The following AUTS2 variants were observed in gnomAD, a reference collection of about 807,000 sequenced individuals.
AUTS2 encodes the protein activator of transcription and developmental regulator AUTS2, also known as autism susceptibility gene 2 protein.
In AUTS2, 17 loss-of-function variants were observed where a neutral mutation model predicts 112.4. The observed-to-expected ratio is 0.15, with a 90% CI of 0.10 to 0.23. The LOEUF (loss-of-function observed/expected upper bound fraction) is 0.23. Among genes scored for constraint, AUTS2 ranks in the 10% least tolerant of loss-of-function variants. The pLI is 1.00. For missense variants in AUTS2, 1,510 were observed against 1,701.6 expected, an observed-to-expected ratio of 0.89 and a Z score of 1.98; for synonymous variants, 751 against 702.7, an observed-to-expected ratio of 1.07 and a Z score of -1.09.
At chr7:70,132,398 T>C (rs958225960) in intron 3 of AUTS2, among the ~76,000 whole-genome samples, 1 of 152,146 alleles carries the variant, frequency 6.6e-6, no homozygotes, top group East Asian at 1.9e-4. Context: ...ATTATGTTAA[T>C]TCCTCGGCAG....
chr7:70,296,398 C>T (rs539660225), intron 4 of AUTS2, among the ~76,000 whole-genome samples: 7 of 152,244 alleles, frequency 4.6e-5, no homozygotes, highest in Admixed American at 2.6e-4. Context: ...GGAAAACACA[C>T]GAAATACAAT....
At chr7:70,292,767 G>A (rs1788766217) in intron 4 of AUTS2, 1 of 152,078 alleles carries the variant, frequency 6.6e-6, no homozygotes, top group South Asian at 2.1e-4. Flanking sequence ...CCTTAAATTG[G>A]TCACTGTATA....
At chr7:70,285,285 C>T (rs1052079856) in intron 4 of AUTS2, among the ~76,000 whole-genome samples, 20 of 152,192 alleles carry the variant, frequency 1.3e-4, no homozygotes, top group African/African-American at 4.1e-4. Context: ...ATATTTCCAA[C>T]TTGGTATTTA....
chr7:70,419,193 A>G (rs1408360778), intron 4 of AUTS2, among the ~76,000 whole-genome samples: 1 of 151,982 alleles, frequency 6.6e-6, no homozygotes, highest in Non-Finnish European at 1.5e-5. Context: ...TTTCAGCAAA[A>G]TTCTTTATGA....
chr7:70,248,864 T>G (rs1813065946), intron 4 of AUTS2, among the ~76,000 whole-genome samples: 1 of 152,236 alleles, frequency 6.6e-6, no homozygotes, highest in South Asian at 2.1e-4. Flanking sequence ...TTACCTTAAT[T>G]CTGTTGTATA....
At chr7:70,121,121 G>A (rs769270271) in intron 3 of AUTS2, among the ~76,000 whole-genome samples, 6 of 152,170 alleles carry the variant, frequency 3.9e-5, no homozygotes, top group South Asian at 2.1e-4. Context: ...TTAACAGATG[G>A]TGTTGAGAGA....
chr7:69,949,767 C>T (rs1272705182), intron 2 of AUTS2, among the ~76,000 whole-genome samples: 1 of 152,158 alleles, frequency 6.6e-6, no homozygotes, highest in East Asian at 1.9e-4. Context: ...TGTAGCCTGG[C>T]TCTTAGGATT....
chr7:69,614,370 T>TCTTTTCTTTC (rs1322536871), intron 1 of AUTS2, among the ~76,000 whole-genome samples: 2 of 28,498 alleles, frequency 7.0e-5, no homozygotes, highest in Admixed American at 3.4e-4. Flanking sequence ...CTTTCTTTTT[T>TCTTTTCTTTC]TAAGAGATGG....
At chr7:69,910,784 C>T (rs566157459) in intron 2 of AUTS2, among the ~76,000 whole-genome samples, 5 of 152,192 alleles carry the variant, frequency 3.3e-5, no homozygotes, top group South Asian at 2.1e-4. Context: ...CCTGCCACCA[C>T]GCCCAGCGAA....
chr7:69,736,234 C>T (rs1350411903), intron 1 of AUTS2, among the ~76,000 whole-genome samples: 1 of 152,156 alleles, frequency 6.6e-6, no homozygotes, highest in African/African-American at 2.4e-5. Flanking sequence ...CCTCACACCA[C>T]CTCCTTCTCA....
At chr7:70,743,285 C>T (rs1788228171) in intron 6 of AUTS2, among the ~76,000 whole-genome samples, 1 of 151,870 alleles carries the variant, frequency 6.6e-6, no homozygotes, top group African/African-American at 2.4e-5. Flanking sequence ...ATGGCCAACA[C>T]GATGAAACCC....
chr7:70,237,138 G>A (rs1176929706), intron 4 of AUTS2, among the ~76,000 whole-genome samples: 1 of 152,128 alleles, frequency 6.6e-6, no homozygotes. Context: ...GGACTTTCTT[G>A]TTCACTGTTG....
rs542835405 is a variant in AUTS2 at position 70,766,732 on chromosome 7, G to A, written c.1689+398G>A. ...CATACATTCTTGCAGGGTAATGGGG[G>A]TGAAGAAGAGAGAAGAGAAGGGAGA... On this transcript the variant is annotated intron_variant, in intron 9 of 18. Coordinates refer to ENST00000342771, the MANE Select transcript of AUTS2 (RefSeq NM_015570.4). The surrounding 1 kb of genome is among the most constrained non-coding windows in gnomAD (Gnocchi z 4.8). Among the ~76,000 whole-genome samples, 2 of 152,220 alleles carry A rather than the reference G, an allele frequency of 1.3e-5. No homozygotes were observed. Among genetic ancestry groups the A allele is most frequent in the East Asian group, 3.8e-4 (2 of 5,196 alleles).
rs1307791637 is a variant in AUTS2 at position 70,791,246 on chromosome 7, T to C, written c.*250T>C. The C allele has an allele frequency of 2.7e-6, 1 of 366,800 alleles. No individual in the cohort carries two copies. The highest frequency in any genetic ancestry group is 4.7e-6 in the Non-Finnish European group (1 of 210,556). 22.7% of individuals were successfully genotyped at this position (366,800 alleles called of 1,614,324 possible). ...ACTTTTTGTTTCTCGTATAAAACTT[T>C]TTGATTTGAACCAAAACAGTGAAGA... On this transcript the variant is annotated 3_prime_UTR_variant, in exon 19 of 19. Transcript: ENST00000342771.
intron 4 of AUTS2, among the ~76,000 whole-genome samples, chr7:70,222,775 T>C (rs1196646079): frequency 1.3e-5 from 2 of 152,190 alleles, no homozygotes; most frequent in Non-Finnish European, 2.9e-5. Flanking sequence ...GAGAACTGGC[T>C]TTTATTGCTC....
intron 4 of AUTS2, among the ~76,000 whole-genome samples, chr7:70,328,604 G>A (rs1426028933): frequency 6.6e-6 from 1 of 152,216 alleles, no homozygotes; most frequent in East Asian, 1.9e-4. Context: ...GGTTAAGCTG[G>A]TGGGCTAGAT....
chr7:70,362,180 G>T (rs184697835), intron 4 of AUTS2, among the ~76,000 whole-genome samples: 2 of 152,308 alleles, frequency 1.3e-5, no homozygotes, highest in African/African-American at 2.4e-5. Context: ...ATCAGATTGG[G>T]TGTTTACATG....
chr7:70,344,819 A>G (rs1028886363), intron 4 of AUTS2, among the ~76,000 whole-genome samples: 1 of 152,302 alleles, frequency 6.6e-6, no homozygotes, highest in Admixed American at 6.5e-5. Context: ...CCTTACTCCA[A>G]ACTCTGGGAT....
At chr7:69,909,607 T>C (rs1358375095) in intron 2 of AUTS2, among the ~76,000 whole-genome samples, 1 of 152,192 alleles carries the variant, frequency 6.6e-6, no homozygotes, top group Non-Finnish European at 1.5e-5. Flanking sequence ...ATTTTCTTCA[T>C]TACCAGCAAA....
Sources: gnomAD v4.1 joint callset for allele counts (sites outside exome capture counted in the v4.1 genomes callset) on GRCh38, gnomAD v4.1.1 for gene constraint, Gnocchi (gnomAD v3.1) non-coding constraint, MANE v1.5 for transcripts, NCBI Gene and HGNC (gene_info 2026-07-23, HGNC 2026-07-21) for gene names.